The following FSTL4 variants were observed in gnomAD, a reference collection of about 807,000 sequenced individuals.
The protein encoded by FSTL4 is follistatin like 4, also known as follistatin-related protein 4.
A neutral mutation model predicts 78.2 loss-of-function variants in FSTL4; 28 were observed. That is an observed-to-expected ratio of 0.36 (90% CI 0.27 to 0.49). The LOEUF (loss-of-function observed/expected upper bound fraction) is 0.49. FSTL4 is among the 20% of genes least tolerant of loss of function. FSTL4 has a pLI of 0.98. For synonymous variants in FSTL4, 422 were observed against 440.5 expected (o/e 0.96, Z 0.53); for missense variants, 922 against 1,084.9 (o/e 0.85, Z 2.11).
At chr5:133,698,180 C>T in the FSTL4 span, among the ~76,000 whole-genome samples, 1 of 152,030 alleles carries the variant, frequency 6.6e-6, no homozygotes, top group South Asian at 2.1e-4. Flanking sequence ...ACAACCCACA[C>T]CCTGCTCGCG....
At chr5:133,213,149 T>C (rs1013651854) in intron 13 of FSTL4, among the ~76,000 whole-genome samples, 3 of 152,004 alleles carry the variant, frequency 2.0e-5, no homozygotes, top group East Asian at 1.9e-4. Context: ...ATTATAGGCC[T>C]GCACCACCAC....
In FSTL4 at chr5:133,457,727, T is replaced by C. The variant is rs536666130; in HGVS notation, c.161-56741A>G. On this transcript the variant is annotated intron_variant, in intron 3 of 15. Coordinates refer to ENST00000265342, the MANE Select transcript of FSTL4 (RefSeq NM_015082.2). ...GCATCTCAAGTCTGCATTGCCCCACTTGGTGTAACAAAGCCCTTCCCCATA... is the reference window on the plus strand; with the variant it reads ...GCATCTCAAGTCTGCATTGCCCCACCTGGTGTAACAAAGCCCTTCCCCATA... 6 of 152,362 alleles carry C rather than the reference T, an allele frequency of 3.9e-5. No homozygotes were observed. In the East Asian group the frequency reaches 1.2e-3, roughly 29 times the overall value. 9.4% of individuals were successfully genotyped at this position (152,362 alleles called of 1,614,324 possible). A position where few individuals can be genotyped will look rare whatever the true frequency, so the allele number is the denominator to read the frequency against.
chr5:133,210,137 G>C, intron 14 of FSTL4, 54 bp downstream of exon 14: 1 of 913,760 alleles, frequency 1.1e-6, no homozygotes, highest in Non-Finnish European at 1.8e-6. Flanking sequence ...TTTATAGGGA[G>C]AGAGTTCTTC....
chr5:133,310,718 T>C (rs1753758844), intron 6 of FSTL4, among the ~76,000 whole-genome samples: 1 of 152,222 alleles, frequency 6.6e-6, no homozygotes, highest in South Asian at 2.1e-4. Flanking sequence ...GCTCTAAAAA[T>C]GCACTGAGCT....
In FSTL4 at chr5:133,220,876, G is replaced by A. The variant is rs927386984; in HGVS notation, c.1340-10C>T. On this transcript the variant is annotated splice_polypyrimidine_tract_variant and intron_variant, in intron 11 of 15. Transcript: ENST00000265342. ...TTTCCCACGCTGAGGCCTGGGAGGAGCAAATGGAATGGGCATGCCCTCCAA... is the reference window on the plus strand; with the variant it reads ...TTTCCCACGCTGAGGCCTGGGAGGAACAAATGGAATGGGCATGCCCTCCAA... 1 of 1,509,054 alleles carries A rather than the reference G, an allele frequency of 6.6e-7. No homozygotes were observed. Among genetic ancestry groups the A allele is most frequent in the Non-Finnish European group, 9.2e-7 (1 of 1,084,138 alleles). The allele number at this position is 1,509,054 out of a possible 1,614,324, so 93.5% of individuals were successfully genotyped here.
chr5:133,424,510 G>T (rs138225462), intron 3 of FSTL4, among the ~76,000 whole-genome samples: 185 of 152,332 alleles, frequency 1.2e-3, no homozygotes, highest in African/African-American at 3.7e-3. Flanking sequence ...TCAGATGATG[G>T]TCTTTAGAAT....
the FSTL4 span, among the ~76,000 whole-genome samples, chr5:133,819,168 G>T: frequency 5.3e-5 from 8 of 151,262 alleles, no homozygotes; most frequent in African/African-American, 1.9e-4. Flanking sequence ...GACTGCACAA[G>T]GTTCAGCTAA....
chr5:133,757,817 A>C, the FSTL4 span, among the ~76,000 whole-genome samples: 1 of 152,234 alleles, frequency 6.6e-6, no homozygotes, highest in Non-Finnish European at 1.5e-5. Flanking sequence ...AAGAGGTGGT[A>C]ACTCCACAGA....
the FSTL4 span, among the ~76,000 whole-genome samples, chr5:133,709,433 A>T: frequency 1.3e-5 from 2 of 152,244 alleles, no homozygotes; most frequent in African/African-American, 4.8e-5. Context: ...TTCTGAAAAC[A>T]CTGGCTCCTT....
intron 3 of FSTL4, among the ~76,000 whole-genome samples, chr5:133,471,107 T>C (rs1482343075): frequency 6.6e-6 from 1 of 152,208 alleles, no homozygotes; most frequent in Non-Finnish European, 1.5e-5. Context: ...CATTGCAAAA[T>C]TTTATAACAT....
the FSTL4 span, among the ~76,000 whole-genome samples, chr5:133,786,018 C>T: frequency 1.3e-5 from 2 of 152,160 alleles, no homozygotes; most frequent in Non-Finnish European, 2.9e-5. Context: ...CATACACCCA[C>T]GATGTGCTGG....
chr5:133,203,453 T>G (rs1396130750), intron 14 of FSTL4, among the ~76,000 whole-genome samples: 1 of 152,176 alleles, frequency 6.6e-6, no homozygotes, highest in Non-Finnish European at 1.5e-5. Context: ...GGCTGGAGGC[T>G]TGTGTCTTTT....
chr5:133,321,374 G>A (rs1197776498), intron 4 of FSTL4, among the ~76,000 whole-genome samples: 1 of 152,218 alleles, frequency 6.6e-6, no homozygotes, highest in African/African-American at 2.4e-5. Flanking sequence ...TGGCTCCCAG[G>A]TAGGGAGGGA....
chr5:133,591,477 T>C (rs1760624416), intron 2 of FSTL4, among the ~76,000 whole-genome samples: 1 of 152,090 alleles, frequency 6.6e-6, no homozygotes, highest in Non-Finnish European at 1.5e-5. Context: ...TCACCAACTG[T>C]CCTCCACCCA....
intron 3 of FSTL4, among the ~76,000 whole-genome samples, chr5:133,563,767 C>A (rs559385204): frequency 7.2e-5 from 11 of 152,256 alleles, no homozygotes; most frequent in Non-Finnish European, 1.2e-4. Flanking sequence ...CCACAGAAAA[C>A]CAAGTTTGGA....
chr5:133,662,339 C>T, the FSTL4 span, among the ~76,000 whole-genome samples: 1 of 152,114 alleles, frequency 6.6e-6, no homozygotes, highest in Admixed American at 6.5e-5. Context: ...CTCTGCAGTG[C>T]CATTAATATT....
intron 4 of FSTL4, among the ~76,000 whole-genome samples, chr5:133,344,202 ACAAAAACTG>A (rs1224464337): frequency 2.6e-5 from 4 of 151,404 alleles, no homozygotes; most frequent in Admixed American, 2.6e-4. Context: ...ACCATAAAAA[ACAAAAACTG>A]CAAATAATAC....
the FSTL4 span, among the ~76,000 whole-genome samples, chr5:133,618,885 A>G: frequency 2.6e-5 from 4 of 152,194 alleles, no homozygotes; most frequent in Non-Finnish European, 4.4e-5. Context: ...TTCTGAATCT[A>G]TTGGTATATT....
the FSTL4 span, among the ~76,000 whole-genome samples, chr5:133,737,386 AC>A: frequency 6.6e-6 from 1 of 152,074 alleles, no homozygotes; most frequent in Admixed American, 6.5e-5. Context: ...GGCTTATTTC[AC>A]TTAACATATT....
Sources: gnomAD v4.1 joint callset for allele counts (sites outside exome capture counted in the v4.1 genomes callset) on GRCh38, gnomAD v4.1.1 for gene constraint, MANE v1.5 for transcripts, NCBI Gene and HGNC (gene_info 2026-07-23, HGNC 2026-07-21) for gene names.